Variants in FBXO11 observed in about 807,000 individuals in gnomAD.
The protein encoded by FBXO11 is F-box protein 11.
Under a neutral mutation model 117.0 loss-of-function variants are expected in FBXO11, and 13 were observed. The observed-to-expected ratio is 0.11, with a 90% CI of 0.07 to 0.18. The LOEUF is 0.18. FBXO11 is among the 10% of genes least tolerant of loss of function. The pLI, the probability that FBXO11 is intolerant of heterozygous loss-of-function variation, is 1.00. For missense variants in FBXO11, 767 were observed against 1,164.4 expected (o/e 0.66, Z 4.97); for synonymous variants, 490 against 380.5 (o/e 1.29, Z -3.35).
intron 5 of FBXO11, 66 bp from the exon 6 acceptor site, chr2:47,834,937 A>G (rs2104824986): frequency 9.1e-7 from 1 of 1,102,948 alleles, no homozygotes; most frequent in Non-Finnish European, 1.3e-6. Context: ...AAATTAATGT[A>G]CAATTGCATG....
intron 1 of FBXO11, among the ~76,000 whole-genome samples, chr2:47,853,031 C>T (rs1673994980): frequency 1.3e-5 from 2 of 151,890 alleles, no homozygotes; most frequent in African/African-American, 2.4e-5. Context: ...AAAAGAATAC[C>T]ATGGAACAGG....
At chr2:47,838,548 T>C (rs1439788858) in intron 4 of FBXO11, among the ~76,000 whole-genome samples, 1 of 152,018 alleles carries the variant, frequency 6.6e-6, no homozygotes, top group Admixed American at 6.5e-5. Flanking sequence ...TTCTAATCTA[T>C]CAGATTTAAA....
At chr2:47,845,657 ATACT>A (rs1169118547) in intron 1 of FBXO11, among the ~76,000 whole-genome samples, 1 of 152,170 alleles carries the variant, frequency 6.6e-6, no homozygotes. Flanking sequence ...GCCTTATGTT[ATACT>A]TACTTTTTTT....
At chr2:47,834,439 T>C in intron 7 of FBXO11, 140 bp downstream of exon 7, 1 of 610,842 alleles carries the variant, frequency 1.6e-6, no homozygotes, top group Non-Finnish European at 2.7e-6. Context: ...TTCCTTCACT[T>C]AAAATATGTG....
intron 1 of FBXO11, among the ~76,000 whole-genome samples, chr2:47,897,354 C>A (rs1677748696): frequency 6.6e-6 from 1 of 152,156 alleles, no homozygotes; most frequent in Admixed American, 6.5e-5. Context: ...AACACAGACA[C>A]CAATATCAAA....
At chr2:47,861,096 C>T (rs1393117012) in intron 1 of FBXO11, among the ~76,000 whole-genome samples, 6 of 151,068 alleles carry the variant, frequency 4.0e-5, no homozygotes, top group South Asian at 2.1e-4. Context: ...GTGATCCACC[C>T]GCCACGGCCT....
In FBXO11 at chr2:47,809,431, T is replaced by C. The variant is rs1402021369; in HGVS notation, c.2447-165A>G. ...AATCAGCTAAGAATAGAATTTTCCT[T>C]GTATAAGATACTCCAACCATTTAGA... is the stretch of plus-strand genomic sequence containing the variant. On this transcript the variant is annotated intron_variant, in intron 20 of 22. Transcript: ENST00000403359. 5.9e-6 allele frequency: 4 copies of C among 681,096 alleles called. No homozygotes were observed. The East Asian group carries it at 1.1e-4, about 19-fold the overall frequency. 42.2% of individuals were successfully genotyped at this position (681,096 alleles called of 1,614,324 possible).
At position 47,860,785 on chromosome 2, in the gene FBXO11, T is replaced by C. The variant is rs541591854; in HGVS notation, c.233-21016A>G. 2.4e-4 allele frequency among the ~76,000 whole-genome samples: 35 copies of C among 148,340 alleles called. 1 individual carries two copies. The highest frequency in any genetic ancestry group is 7.9e-4 in the African/African-American group (32 of 40,314). On this transcript the variant is annotated intron_variant, in intron 1 of 22. Coordinates refer to ENST00000403359, the MANE Select transcript of FBXO11 (RefSeq NM_001190274.2). ...GAGAAAGAAAGTCAAACCAGTCACA[T>C]AGAATAACTGTGTTCCACTGGAAAA...
At chr2:47,874,120 A>G (rs2103850359) in intron 1 of FBXO11, among the ~76,000 whole-genome samples, 1 of 152,302 alleles carries the variant, frequency 6.6e-6, no homozygotes, top group East Asian at 1.9e-4. Context: ...AGGCTGAGGC[A>G]GGAGAATCGC....
intron 1 of FBXO11, among the ~76,000 whole-genome samples, chr2:47,855,660 C>T (rs986491969): frequency 1.3e-5 from 2 of 152,038 alleles, no homozygotes; most frequent in Non-Finnish European, 2.9e-5. Flanking sequence ...ATGGTAAAAC[C>T]CATCTTTACT....
At chr2:47,845,158 C>G (rs771338874) in intron 1 of FBXO11, among the ~76,000 whole-genome samples, 2 of 150,426 alleles carry the variant, frequency 1.3e-5, no homozygotes, top group African/African-American at 2.5e-5. Flanking sequence ...CCACCCCACC[C>G]TGGAATCCTT....
At chr2:47,833,187 T>C in intron 7 of FBXO11, 117 bp from the exon 8 acceptor site, 1 of 649,076 alleles carries the variant, frequency 1.5e-6, no homozygotes, top group Non-Finnish European at 2.7e-6. Context: ...TAATATTCAC[T>C]ATCAGTTAAC....
intron 1 of FBXO11, among the ~76,000 whole-genome samples, chr2:47,901,542 G>T (rs1478488253): frequency 6.6e-6 from 1 of 151,928 alleles, no homozygotes; most frequent in Non-Finnish European, 1.5e-5. Context: ...TGTACGAAGG[G>T]GACTTCTGAA....
intron 1 of FBXO11, among the ~76,000 whole-genome samples, chr2:47,900,588 A>G (rs1678045383): frequency 7.0e-6 from 1 of 142,454 alleles, no homozygotes; most frequent in Non-Finnish European, 1.5e-5. Context: ...ACACATATAT[A>G]CGTATATACA....
chr2:47,905,751 G>T lies in FBXO11; in HGVS notation c.-31C>A. The T allele has an allele frequency of 6.6e-7, 1 of 1,507,954 alleles. No homozygotes were observed. The allele number at this position is 1,507,954 out of a possible 1,614,324, so 93.4% of individuals were successfully genotyped here. On this transcript the variant is annotated 5_prime_UTR_variant, in exon 1 of 23. Coordinates refer to ENST00000403359, the MANE Select transcript of FBXO11 (RefSeq NM_001190274.2). ...GGGCTGAGGTGGCGGCGTTGGCGGA[G>T]GGACACACACACGCACACGCACAGC...
rs140250563 is a variant in FBXO11, at chr2:47,840,723, C to T, written c.233-954G>A. ...CCCACCTTGGCCTCCAAAGTGCTTT[C>T]AACAGAGCACGGCTGCAGTGAGCTA... On this transcript the variant is annotated intron_variant, in intron 1 of 22. Coordinates refer to ENST00000403359, the MANE Select transcript of FBXO11 (RefSeq NM_001190274.2). 5.3e-5 allele frequency among the ~76,000 whole-genome samples: 8 copies of T among 151,696 alleles called. No individual in the cohort carries two copies. The East Asian group carries it at 1.6e-3, about 30-fold the overall frequency.
At chr2:47,814,107 G>A (rs1338350183) in intron 16 of FBXO11, 1 of 391,920 alleles carries the variant, frequency 2.6e-6, no homozygotes, top group South Asian at 3.0e-5. Context: ...ACTAAATGGG[G>A]TTATATTAAG....
chr2:47,821,126 A>G (rs1671347922), intron 13 of FBXO11, among the ~76,000 whole-genome samples: 1 of 152,250 alleles, frequency 6.6e-6, no homozygotes, highest in Non-Finnish European at 1.5e-5. Flanking sequence ...TTATATTTTC[A>G]TCCCTGGTAT....
At chr2:47,870,344 G>A (rs958048627) in intron 1 of FBXO11, among the ~76,000 whole-genome samples, 2 of 152,124 alleles carry the variant, frequency 1.3e-5, no homozygotes, top group Non-Finnish European at 2.9e-5. Context: ...GCTGAATTGT[G>A]CCTCTTAAAA....
Sources: allele counts gnomAD v4.1 joint callset (sites outside exome capture counted in the v4.1 genomes callset), GRCh38; gene constraint gnomAD v4.1.1; transcripts MANE v1.5; gene names NCBI Gene and HGNC (gene_info 2026-07-23, HGNC 2026-07-21).